FMO5: variants seen among roughly 807,000 people sequenced by gnomAD.
The protein encoded by FMO5 is flavin-containing monooxygenase 5.
Under a neutral mutation model 43.6 loss-of-function variants are expected in FMO5, and 51 were observed. The observed-to-expected ratio is 1.17, with a 90% CI of 0.93 to 1.48. The LOEUF is 1.48. Among genes scored for constraint, FMO5 ranks in the 40% most tolerant of loss-of-function variants. The pLI, the probability that FMO5 is intolerant of heterozygous loss-of-function variation, is 0.00. For missense variants in FMO5, 644 were observed against 643.0 expected (o/e 1.00, Z -0.02); for synonymous variants, 187 against 216.5 (o/e 0.86, Z 1.20).
intron 2 of FMO5, among the ~76,000 whole-genome samples, chr1:147,222,311 T>C (rs1275398376): frequency 6.6e-6 from 1 of 152,150 alleles, no homozygotes; most frequent in Non-Finnish European, 1.5e-5. Flanking sequence ...GAGGTTGCAG[T>C]GAGCTGAGAT....
At chr1:147,203,152 C>G (rs1571261830) in intron 6 of FMO5, 1 of 433,428 alleles carries the variant, frequency 2.3e-6, no homozygotes, top group East Asian at 4.3e-5. Flanking sequence ...TTTATTATAA[C>G]ATCCAGCCAA....
chr1:147,187,391 G>C, intron 8 of FMO5, 146 bp from the exon 9 acceptor site: 1 of 628,726 alleles, frequency 1.6e-6, no homozygotes, highest in South Asian at 2.1e-5. Flanking sequence ...ATTGGTCACT[G>C]TCCTTAAGGA....
rs782583560 is a variant in FMO5 at position 147,186,899 on chromosome 1, A to T, written c.*1T>A. ...AAAACAGGGCAGTGACAATAGGACA[A>T]CTAGAAGTAAGCTATAATTATAGCA... On this transcript the variant is annotated 3_prime_UTR_variant, in exon 9 of 9. Transcript: ENST00000254090. 6.2e-7 allele frequency: 1 copy of T among 1,609,884 alleles called. No individual in the cohort carries two copies. The highest frequency in any genetic ancestry group is 8.5e-7 in the Non-Finnish European group (1 of 1,178,018).
chr1:147,222,304 G>A (rs1663168515), intron 2 of FMO5, among the ~76,000 whole-genome samples: 1 of 152,186 alleles, frequency 6.6e-6, no homozygotes, highest in Non-Finnish European at 1.5e-5. Context: ...GGAGGCAGAG[G>A]TTGCAGTGAG....
chr1:147,213,520 T>G, intron 3 of FMO5, 50 bp from the exon 4 acceptor site: 1 of 1,497,254 alleles, frequency 6.7e-7, no homozygotes, highest in Non-Finnish European at 9.0e-7. Flanking sequence ...ATGACTCTCC[T>G]TGCATAGTGT....
intron 2 of FMO5, among the ~76,000 whole-genome samples, chr1:147,216,637 A>T (rs1275358688): frequency 6.6e-6 from 1 of 152,320 alleles, no homozygotes; most frequent in East Asian, 1.9e-4. Context: ...AGCATTATTC[A>T]TAATACAAAA....
intron 7 of FMO5, among the ~76,000 whole-genome samples, chr1:147,190,817 A>G (rs1432571628): frequency 6.6e-6 from 1 of 151,922 alleles, no homozygotes; most frequent in Non-Finnish European, 1.5e-5. Flanking sequence ...ATATCTCGTA[A>G]TGCTATCCCT....
chr1:147,185,122 A>G (rs949907324), downstream of FMO5, among the ~76,000 whole-genome samples: 1 of 151,792 alleles, frequency 6.6e-6, no homozygotes, highest in African/African-American at 2.4e-5. Flanking sequence ...TTTGAGTTCA[A>G]TTTCTTGTTC....
chr1:147,213,504 C>G (rs372273548), intron 3 of FMO5, 34 bp from the exon 4 acceptor site: 1 of 1,545,472 alleles, frequency 6.5e-7, no homozygotes, highest in Non-Finnish European at 8.7e-7. Flanking sequence ...AGGGGACATC[C>G]CTGACATGAC....
At chr1:147,210,348 T>C (rs1384358837) in intron 5 of FMO5, 1 of 152,236 alleles carries the variant, frequency 6.6e-6, no homozygotes, top group African/African-American at 2.4e-5. Context: ...AGATTTGATA[T>C]GCAGTTACCT....
At chr1:147,185,303 G>A (rs1655522986), downstream of FMO5, among the ~76,000 whole-genome samples, 1 of 151,818 alleles carries the variant, frequency 6.6e-6, no homozygotes, top group Non-Finnish European at 1.5e-5. Context: ...ATTATCAAAG[G>A]GCTGTTAATT....
At chr1:147,203,811 T>C (rs1659482428) in intron 6 of FMO5, 1 of 1,551,108 alleles carries the variant, frequency 6.4e-7, no homozygotes. Context: ...CGAAGTACTA[T>C]GGTAGAAATG....
At chr1:147,188,633 G>A (rs587633737) in intron 8 of FMO5, among the ~76,000 whole-genome samples, 4 of 150,206 alleles carry the variant, frequency 2.7e-5, no homozygotes, top group Non-Finnish European at 5.9e-5. Context: ...ATAAAACAAT[G>A]TATACACATA....
At chr1:147,195,789 T>C (rs1176036553) in intron 7 of FMO5, among the ~76,000 whole-genome samples, 1 of 152,156 alleles carries the variant, frequency 6.6e-6, no homozygotes, top group African/African-American at 2.4e-5. Flanking sequence ...AGAATGGCAA[T>C]ATATTTTACC....
intron 2 of FMO5, chr1:147,224,089 C>G (rs1230607812): frequency 2.7e-6 from 1 of 364,282 alleles, no homozygotes; most frequent in Non-Finnish European, 5.4e-6. Flanking sequence ...AAATGGGGGT[C>G]CCTTACTGCA....
chr1:147,212,243 C>T (rs1235989725), intron 5 of FMO5, 150 bp downstream of exon 5: 9 of 733,824 alleles, frequency 1.2e-5, no homozygotes, highest in Admixed American at 2.7e-5. Context: ...ATGTTGCCAA[C>T]TGAGGTAATG....
chr1:147,217,290 T>A (rs587599732), intron 2 of FMO5, among the ~76,000 whole-genome samples: 1 of 152,250 alleles, frequency 6.6e-6, no homozygotes, highest in East Asian at 1.9e-4. Context: ...AACTATCTTA[T>A]AGCATTGTTG....
At chr1:147,190,317 T>G in intron 7 of FMO5, 68 bp from the exon 8 acceptor site, 1 of 976,832 alleles carries the variant, frequency 1.0e-6, no homozygotes, top group Non-Finnish European at 1.6e-6. Flanking sequence ...TATAAACAAT[T>G]ACTATGCTAT....
rs199642007 is a variant in FMO5 at position 147,187,304 on chromosome 1, A to G, written c.1257-59T>C. ...AATAATTCAATCAGTCAGTCAATCA[A>G]TTACTGCCTTCTGAGTGCCTGCTAT... On this transcript the variant is annotated intron_variant, in intron 8 of 8. Coordinates refer to ENST00000254090, the MANE Select transcript of FMO5 (RefSeq NM_001461.4). The G allele has an allele frequency of 4.7e-6, 6 of 1,276,220 alleles. No homozygotes were observed. In the South Asian group the frequency reaches 7.1e-5, roughly 15 times the overall value. 79.1% of individuals were successfully genotyped at this position (1,276,220 alleles called of 1,614,324 possible). A position where few individuals can be genotyped will look rare whatever the true frequency, so the allele number is the denominator to read the frequency against.
Sources: allele counts gnomAD v4.1 joint callset (sites outside exome capture counted in the v4.1 genomes callset), GRCh38; gene constraint gnomAD v4.1.1; transcripts MANE v1.5; gene names NCBI Gene and HGNC (gene_info 2026-07-23, HGNC 2026-07-21).